Variants in NISCH observed in about 807,000 individuals in gnomAD.
NISCH encodes the protein nischarin.
NISCH carries 55 observed loss-of-function variants against 138.4 expected under a neutral mutation model. That is an observed-to-expected ratio of 0.40 (90% CI 0.32 to 0.50). The LOEUF (loss-of-function observed/expected upper bound fraction) is 0.50. Ranked by LOEUF, NISCH falls within the 20% of genes least tolerant of loss-of-function variation. NISCH has a pLI of 0.71. For missense variants in NISCH, 1,643 were observed against 2,005.5 expected (o/e 0.82, Z 3.45); for synonymous variants, 860 against 861.5 (o/e 1.00, Z 0.03).
chr3:52,473,959 G>A (rs1280574189), intron 7 of NISCH, 130 bp downstream of exon 7: 3 of 522,554 alleles, frequency 5.7e-6, no homozygotes, highest in African/African-American at 5.7e-5. Flanking sequence ...CCTTCTGTGG[G>A]GTAGGCAGAC....
At chr3:52,481,731 C>T (rs532275468) in intron 13 of NISCH, 5 of 985,612 alleles carry the variant, frequency 5.1e-6, no homozygotes, top group East Asian at 1.1e-4. Context: ...CAGGCTGCAG[C>T]TGCAGGCAGC....
At position 52,491,468 on chromosome 3, in the gene NISCH, C is replaced by T; in HGVS notation, c.3859C>T (p.Pro1287Ser). ...SSLERTPSPE[P>S]VDKDFYSEFG... is the part of the protein sequence containing the mutation. ...TCTGGAACGCACGCCCTCGCCGGAG[C>T]CTGTTGACAAGGACTTCTACTCCGA... The change falls in exon 20 of 21, where the codon CCT (proline) becomes TCT (serine). Residue 1287 changes from proline to serine, a missense_variant. Pro to Ser is a moderately conservative substitution (Grantham distance 74). Transcript: ENST00000345716. 1.2e-6 allele frequency: 2 copies of T among 1,613,450 alleles called. No homozygotes were observed. Among genetic ancestry groups the T allele is most frequent in the Non-Finnish European group, 1.7e-6 (2 of 1,179,950 alleles).
intron 4 of NISCH, 119 bp downstream of exon 4, chr3:52,471,026 C>A: frequency 1.0e-6 from 1 of 988,138 alleles, no homozygotes. Context: ...CTGTAGGTGG[C>A]CAGGTCTGAG....
intron 3 of NISCH, among the ~76,000 whole-genome samples, chr3:52,470,357 T>C (rs1706910167): frequency 6.6e-6 from 1 of 152,218 alleles, no homozygotes; most frequent in Non-Finnish European, 1.5e-5. Flanking sequence ...GTGTTCACTC[T>C]TTTCCTGAGA....
chr3:52,464,917 C>T (rs1195316541), intron 3 of NISCH, among the ~76,000 whole-genome samples: 3 of 152,196 alleles, frequency 2.0e-5, no homozygotes, highest in African/African-American at 7.2e-5. Context: ...ATCCACCTGC[C>T]TCAGCCTCCC....
At chr3:52,490,045 T>C (rs1707518828) in intron 17 of NISCH, 30 bp from the exon 18 acceptor site, 5 of 1,612,376 alleles carry the variant, frequency 3.1e-6, no homozygotes, top group Non-Finnish European at 4.2e-6. Flanking sequence ...GCTAGGGTGG[T>C]GGAGCTGACA....
At chr3:52,478,638 TGGGCGGTAG>T in intron 11 of NISCH, 61 bp downstream of exon 11, 6 of 1,490,142 alleles carry the variant, frequency 4.0e-6, no homozygotes, top group Non-Finnish European at 5.6e-6. Context: ...CAAGTCTGCA[TGGGCGGTAG>T]GGGGATATAT....
intron 3 of NISCH, among the ~76,000 whole-genome samples, chr3:52,459,809 T>G (rs1188519512): frequency 6.6e-6 from 1 of 151,676 alleles, no homozygotes; most frequent in Admixed American, 6.6e-5. Context: ...GCAAAAAGGA[T>G]ATATGAACAA....
chr3:52,490,347 G>C (rs1364175611), intron 18 of NISCH, 116 bp downstream of exon 18: 20 of 1,179,330 alleles, frequency 1.7e-5, no homozygotes, highest in Non-Finnish European at 2.3e-5. Flanking sequence ...CGACTTGGCT[G>C]CAGTGGGCTG....
Position 52,455,643 on chromosome 3 carries a change from TG to T in NISCH, c.4del (p.Ala2?). 7.5e-7 allele frequency: 1 copy of T among 1,337,976 alleles called. No individual in the cohort carries two copies. The highest frequency in any genetic ancestry group is 9.6e-7 in the Non-Finnish European group (1 of 1,036,526). The allele number at this position is 1,337,976 out of a possible 1,614,324, so 82.9% of individuals were successfully genotyped here. A position where few individuals can be genotyped will look rare whatever the true frequency, so the allele number is the denominator to read the frequency against. The part of the protein sequence containing the change: [M>X]ATARTFGPER... ...GGCGGTGGCGGCGGAGACCCGAACA[TG>T]GCGACCGCGCGCACCTTCGGGCCCG... On this transcript the variant is annotated frameshift_variant and start_lost, in exon 1 of 21. Transcript: ENST00000345716. LOFTEE classifies it high-confidence loss of function.
intron 14 of NISCH, 44 bp downstream of exon 14, chr3:52,484,681 G>A: frequency 1.2e-6 from 2 of 1,609,510 alleles, no homozygotes; most frequent in Non-Finnish European, 1.7e-6. Context: ...ATCTGTGGGT[G>A]GACTCTTCTG....
chr3:52,465,863 A>T (rs1190975618), intron 3 of NISCH, among the ~76,000 whole-genome samples: 1 of 152,196 alleles, frequency 6.6e-6, no homozygotes, highest in African/African-American at 2.4e-5. Context: ...TCAATGGCTT[A>T]GAAGAGTGTT....
At chr3:52,472,174 A>G (rs1706969440) in intron 5 of NISCH, 129 bp from the exon 6 acceptor site, 3 of 1,015,754 alleles carry the variant, frequency 3.0e-6, no homozygotes, top group Non-Finnish European at 4.5e-6. Flanking sequence ...CGTTAAATTA[A>G]GTCCTGGCCT....
At chr3:52,482,865 A>C (rs1435186866) in intron 13 of NISCH, among the ~76,000 whole-genome samples, 1 of 152,184 alleles carries the variant, frequency 6.6e-6, no homozygotes, top group Non-Finnish European at 1.5e-5. Context: ...CCTTTCCCAC[A>C]TCCTTAGTAG....
At chr3:52,488,643 T>C (rs887514) in intron 16 of NISCH, 38 bp downstream of exon 16, 1,453,604 of 1,534,856 alleles carry the variant, frequency 0.95, 688,579 homozygotes, top group African/African-American at 0.98. Flanking sequence ...CCCGGGGGCA[T>C]GGGTCTGGCA....
intron 13 of NISCH, chr3:52,480,677 T>G: frequency 7.0e-7 from 1 of 1,422,144 alleles, no homozygotes; most frequent in South Asian, 1.6e-5. Flanking sequence ...CTTGTGACTT[T>G]ACTGTCTGGA....
At position 52,469,873 on chromosome 3, in the gene NISCH, C is replaced by A. The variant is rs555485487; in HGVS notation, c.361-986C>A. On this transcript the variant is annotated intron_variant, in intron 3 of 20. Transcript: ENST00000345716. ...GAGGTGGCGGTGAGCCGAGATTACACCACTGCACTCTAGCCTGGGCAACAG... is the reference window on the plus strand; with the variant it reads ...GAGGTGGCGGTGAGCCGAGATTACAACACTGCACTCTAGCCTGGGCAACAG... 3.4e-3 allele frequency among the ~76,000 whole-genome samples: 523 copies of A among 151,660 alleles called. 6 individuals are homozygous for A. The highest frequency in any genetic ancestry group is 0.018 in the South Asian group (85 of 4,782).
At chr3:52,472,624 G>A (rs1187928468) in intron 6 of NISCH, among the ~76,000 whole-genome samples, 2 of 152,254 alleles carry the variant, frequency 1.3e-5, no homozygotes, top group South Asian at 2.1e-4. Flanking sequence ...CTGCAGGGGC[G>A]GTTAGCCAGG....
rs537052749 is a variant in NISCH, at chr3:52,488,127, A to G, written c.2635A>G (p.Ile879Val). ...GGCCGCCGGGGACTACTCAGGCAAC[A>G]TCGAGTGGGCCAGCTGCACACTCTG... ...QTAAGDYSGN[I>V]EWASCTLCSA... The change falls in exon 16 of 21, where the codon ATC (isoleucine) becomes GTC (valine). Residue 879 changes from isoleucine (I) to valine (V), a missense_variant. Ile to Val is a conservative substitution (Grantham distance 29). Transcript: ENST00000345716. 5.6e-6 allele frequency: 9 copies of G among 1,613,098 alleles called. No homozygotes were observed. The Admixed American group carries it at 1.0e-4, about 18-fold the overall frequency.
Sources: allele counts gnomAD v4.1 joint callset (sites outside exome capture counted in the v4.1 genomes callset), GRCh38; gene constraint gnomAD v4.1.1; transcripts MANE v1.5; gene names NCBI Gene and HGNC (gene_info 2026-07-23, HGNC 2026-07-21).